SMARCC1: variants seen among roughly 807,000 people sequenced by gnomAD.
The protein encoded by SMARCC1 is SWI/SNF complex subunit SMARCC1.
Under a neutral mutation model 147.4 loss-of-function variants are expected in SMARCC1, and 43 were observed. That is an observed-to-expected ratio of 0.29 (90% CI 0.23 to 0.38). The LOEUF is 0.38. SMARCC1 is among the 10% of genes least tolerant of loss of function. SMARCC1 has a pLI of 1.00. For missense variants in SMARCC1, 1,119 were observed against 1,381.1 expected (o/e 0.81, Z 3.01); for synonymous variants, 495 against 484.4 (o/e 1.02, Z -0.29).
Position 47,706,394 on chromosome 3 carries a change from T to G in SMARCC1, c.1040+15A>C, listed in dbSNP as rs768213466. On this transcript the variant is annotated intron_variant, in intron 10 of 27. Coordinates refer to ENST00000254480, the MANE Select transcript of SMARCC1 (RefSeq NM_003074.4). ...GCCTGTTTTAATGCCCTTTGAATCA[T>G]GTAATAGTTCTTACCCTTTCTTCCC... is the stretch of plus-strand genomic sequence containing the variant. 2.0e-6 allele frequency: 3 copies of G among 1,534,610 alleles called. No homozygotes were observed. Among genetic ancestry groups the G allele is most frequent in the Non-Finnish European group, 2.6e-6 (3 of 1,145,704 alleles).
At chr3:47,680,728 T>C (rs979489508) in intron 14 of SMARCC1, among the ~76,000 whole-genome samples, 1 of 151,646 alleles carries the variant, frequency 6.6e-6, no homozygotes, top group African/African-American at 2.4e-5. Flanking sequence ...TTTGTATTTT[T>C]AGTAGAGACG....
In SMARCC1 at chr3:47,781,685, G is replaced by A; in HGVS notation, c.113C>T (p.Pro38Leu). 6.4e-7 allele frequency: 1 copy of A among 1,562,262 alleles called. No homozygotes were observed. Among genetic ancestry groups the A allele is most frequent in the Non-Finnish European group, 8.6e-7 (1 of 1,158,070 alleles). ...CGGGCTCTCCCAAAACTTGGTGGCC[G>A]GGCCCCCATCCTTCCGTCGATAAAC... Reference protein sequence around the residue: ...LAVYRRKDGGPATKFWESPET... With the variant: ...LAVYRRKDGGLATKFWESPET... The change falls in exon 1 of 28, where the codon CCG becomes CTG. Residue 38 changes from proline to leucine, a missense_variant. Pro to Leu is a moderately conservative substitution (Grantham distance 98, BLOSUM62 -3). Coordinates refer to ENST00000254480, the MANE Select transcript of SMARCC1 (RefSeq NM_003074.4).
chr3:47,661,349 G>A lies in SMARCC1; in HGVS notation c.2265C>T (p.Tyr755=), dbSNP rs200926555. 1.6e-5 allele frequency: 26 copies of A among 1,613,802 alleles called. No individual in the cohort carries two copies. In the Admixed American group the frequency reaches 1.7e-4, roughly 10 times the overall value. The change falls in exon 21 of 28, where the codon TAC becomes TAT. Residue 755 remains tyrosine (Y), a synonymous_variant. Transcript: ENST00000254480. ...ARASGKVDPT[Y]GLESSCIAGT... Reference sequence around the variant, plus strand: ...CTGCAATGCAGCTGCTCTCCAGACCGTAGGTGGGATCCACTTTCCCAGAGG... The same window carrying A: ...CTGCAATGCAGCTGCTCTCCAGACCATAGGTGGGATCCACTTTCCCAGAGG...
At position 47,781,752 on chromosome 3, in the gene SMARCC1, C is replaced by A. The variant is rs2035051505; in HGVS notation, c.46G>T (p.Ala16Ser). The stretch of plus-strand genomic sequence containing the variant: ...GCCGCCGCAATCCCCGAGCCCGTGG[C>A]GCCTACCGCTGTCCCCGGCCCGCCG... The part of the protein sequence containing the change: ...GGGGPGTAVG[A>S]TGSGIAAAAA... Residue 16 changes from alanine (A) to serine (S), a missense_variant, in exon 1 of 28, where the codon GCC becomes TCC. By Grantham distance (99) the Ala-to-Ser change is moderately conservative. Around this residue, in one of 6 missense-constraint regions of SMARCC1, gnomAD observed 542 missense variants for 611.8 expected, o/e 0.89. Coordinates refer to ENST00000254480, the MANE Select transcript of SMARCC1 (RefSeq NM_003074.4). 2.0e-6 allele frequency: 3 copies of A among 1,525,960 alleles called. No homozygotes were observed. Among genetic ancestry groups the A allele is most frequent in the African/African-American group, 2.9e-5 (2 of 69,488 alleles). 94.5% of individuals were successfully genotyped at this position (1,525,960 alleles called of 1,614,324 possible).
chr3:47,698,251 G>A (rs967983222), intron 11 of SMARCC1, among the ~76,000 whole-genome samples: 5 of 151,726 alleles, frequency 3.3e-5, no homozygotes, highest in East Asian at 1.9e-4. Context: ...ACTGAAGAAC[G>A]GTATCAAAAT....
intron 26 of SMARCC1, among the ~76,000 whole-genome samples, chr3:47,595,646 T>C (rs986717808): frequency 6.6e-6 from 1 of 152,204 alleles, no homozygotes; most frequent in Non-Finnish European, 1.5e-5. Context: ...GTACCATTTA[T>C]ATGCAGCATC....
intron 18 of SMARCC1, among the ~76,000 whole-genome samples, chr3:47,671,917 GA>G (rs1247215535): frequency 6.6e-6 from 1 of 151,772 alleles, no homozygotes; most frequent in African/African-American, 2.4e-5. Flanking sequence ...CACACTGCAT[GA>G]AAAAAATTAC....
At chr3:47,663,509 G>A (rs553638065) in intron 19 of SMARCC1, 2 of 722,174 alleles carry the variant, frequency 2.8e-6, no homozygotes, top group East Asian at 2.5e-5. Flanking sequence ...TACTCAGGGG[G>A]CTGAGGCGAG....
At chr3:47,624,778 G>C (rs753603968) in intron 24 of SMARCC1, among the ~76,000 whole-genome samples, 46 of 151,816 alleles carry the variant, frequency 3.0e-4, no homozygotes, top group Admixed American at 8.6e-4. Context: ...GCTGGGCACA[G>C]AAGCTCATGC....
At chr3:47,738,153 A>T in intron 3 of SMARCC1, 43 bp from the exon 4 acceptor site, 1 of 1,352,990 alleles carries the variant, frequency 7.4e-7, no homozygotes, top group Non-Finnish European at 1.0e-6. Context: ...CTCCCAGCTT[A>T]AACACAAATG....
chr3:47,676,761 C>G lies in SMARCC1; in HGVS notation c.1593G>C (p.Gln531His), dbSNP rs1332155664. 6.2e-7 allele frequency: 1 copy of G among 1,613,580 alleles called. No individual in the cohort carries two copies. ...CAACTTGGTAATTAACGAGTCCCCA[C>G]TGCTCTAAAAAGGCATGGACCCTAA... ...AVMRVHAFLEQWGLVNYQVDP... is the reference protein window; with the variant it reads ...AVMRVHAFLEHWGLVNYQVDP... Residue 531 changes from glutamine to histidine, a missense_variant, in exon 17 of 28, where the codon CAG (glutamine) becomes CAC (histidine). By Grantham distance (24) the Gln-to-His change is conservative (BLOSUM62 0). Around this residue, in one of 6 missense-constraint regions of SMARCC1, gnomAD observed 178 missense variants for 264.6 expected, o/e 0.67. Transcript: ENST00000254480.
At chr3:47,617,726 G>C (rs2032665969) in intron 25 of SMARCC1, among the ~76,000 whole-genome samples, 1 of 152,194 alleles carries the variant, frequency 6.6e-6, no homozygotes, top group Non-Finnish European at 1.5e-5. Context: ...GTGGCATTTT[G>C]AAGTTCAAAT....
At chr3:47,764,230 C>G (rs1300673960) in intron 2 of SMARCC1, among the ~76,000 whole-genome samples, 2 of 151,974 alleles carry the variant, frequency 1.3e-5, no homozygotes, top group Non-Finnish European at 2.9e-5. Flanking sequence ...TAAATAGGGT[C>G]TCAATATGTT....
chr3:47,708,898 C>T (rs932278760), intron 9 of SMARCC1, among the ~76,000 whole-genome samples: 2 of 152,112 alleles, frequency 1.3e-5, no homozygotes, highest in Non-Finnish European at 2.9e-5. Context: ...CCTCGGCCTC[C>T]GAAAGTGCTG....
intron 24 of SMARCC1, among the ~76,000 whole-genome samples, chr3:47,627,032 G>A (rs747893543): frequency 2.6e-5 from 4 of 152,014 alleles, no homozygotes; most frequent in Non-Finnish European, 5.9e-5. Flanking sequence ...CCAGCTGTTT[G>A]GTGTTAAAAT....
At chr3:47,747,062 A>G (rs998493256) in intron 2 of SMARCC1, among the ~76,000 whole-genome samples, 11 of 151,934 alleles carry the variant, frequency 7.2e-5, no homozygotes, top group Non-Finnish European at 1.5e-4. Context: ...TTGAGACACC[A>G]AGGTGAAAGA....
At chr3:47,702,228 C>A (rs1302927187) in intron 10 of SMARCC1, among the ~76,000 whole-genome samples, 3 of 23,458 alleles carry the variant, frequency 1.3e-4, no homozygotes, top group Non-Finnish European at 1.8e-4. Flanking sequence ...TGTCAGGGGG[C>A]TCAAAAAAAA....
In SMARCC1 at chr3:47,610,346, G is replaced by A. The variant is rs913232475; in HGVS notation, c.2782-19C>T. On this transcript the variant is annotated intron_variant, in intron 25 of 27. Transcript: ENST00000254480. ...GTTCTAGCTGTAAGCAAAGGAAGTG[G>A]AAGAGAAATGACACCAGAAGAGGCT... The A allele has an allele frequency of 2.5e-6, 4 of 1,613,668 alleles. No homozygotes were observed. In the African/African-American group the frequency reaches 5.3e-5, roughly 22 times the overall value.
chr3:47,707,995 C>T (rs547025692), intron 9 of SMARCC1, among the ~76,000 whole-genome samples: 1 of 150,578 alleles, frequency 6.6e-6, no homozygotes, highest in Non-Finnish European at 1.5e-5. Flanking sequence ...AGCTTAAACA[C>T]CTTATGAGTA....
Sources: gnomAD v4.1 joint callset for allele counts (sites outside exome capture counted in the v4.1 genomes callset) on GRCh38, gnomAD v4.1.1 for gene constraint, gnomAD v4.1.1 regional missense constraint, MANE v1.5 for transcripts, NCBI Gene and HGNC (gene_info 2026-07-23, HGNC 2026-07-21) for gene names.